The following PRKAA2 variants were observed in gnomAD, a reference collection of about 807,000 sequenced individuals.
The protein encoded by PRKAA2 is protein kinase AMP-activated catalytic subunit alpha 2.
Under a neutral mutation model 56.3 loss-of-function variants are expected in PRKAA2, and 40 were observed. The observed-to-expected ratio is 0.71, with a 90% CI of 0.55 to 0.92. The LOEUF (loss-of-function observed/expected upper bound fraction) is 0.92, where lower values mean the gene tolerates loss of function less well. Ranked by LOEUF, PRKAA2 falls within the 40% of genes least tolerant of loss-of-function variation. The pLI, the probability that PRKAA2 is intolerant of heterozygous loss-of-function variation, is 0.00. For synonymous variants in PRKAA2, 214 were observed against 234.2 expected, an observed-to-expected ratio of 0.91 and a Z score of 0.79; for missense variants, 542 against 686.9, an observed-to-expected ratio of 0.79 and a Z score of 2.36.
chr1:56,645,597 T>A, intron 1 of PRKAA2, 116 bp downstream of exon 1: 1 of 922,930 alleles, frequency 1.1e-6, no homozygotes, highest in Non-Finnish European at 1.4e-6. Context: ...GGTGGAGCGG[T>A]CCCGGGTCGC....
chr1:56,646,495 AAT>A (rs1646643620), intron 1 of PRKAA2, among the ~76,000 whole-genome samples: 1 of 152,208 alleles, frequency 6.6e-6, no homozygotes, highest in Non-Finnish European at 1.5e-5. Context: ...AACTAGTAAG[AAT>A]AGTTAAGTAT....
intron 6 of PRKAA2, among the ~76,000 whole-genome samples, chr1:56,701,480 A>G (rs182326565): frequency 8.0e-4 from 122 of 152,300 alleles, no homozygotes; most frequent in Middle Eastern, 3.4e-3. Context: ...TATATAGCCA[A>G]TAAACACATG....
chr1:56,703,943 CA>C, intron 6 of PRKAA2, 27 bp from the exon 7 acceptor site: 1 of 1,562,936 alleles, frequency 6.4e-7, no homozygotes, highest in Non-Finnish European at 8.7e-7. Context: ...CCATGTCTTA[CA>C]ATAATGTATT....
intron 2 of PRKAA2, among the ~76,000 whole-genome samples, chr1:56,680,934 CTG>C (rs1325701331): frequency 6.6e-6 from 1 of 152,230 alleles, no homozygotes; most frequent in African/African-American, 2.4e-5. Flanking sequence ...AATCACCACA[CTG>C]TGTTCCACAA....
At chr1:56,654,090 C>G (rs1340589953) in intron 1 of PRKAA2, among the ~76,000 whole-genome samples, 2 of 152,030 alleles carry the variant, frequency 1.3e-5, no homozygotes, top group Non-Finnish European at 2.9e-5. Flanking sequence ...TCAGATAATA[C>G]ACTCTGAGCT....
At position 56,671,768 on chromosome 1, in the gene PRKAA2, A is replaced by G. The variant is rs568275764; in HGVS notation, c.95-2613A>G. Among the ~76,000 whole-genome samples the G allele has an allele frequency of 1.4e-4, 21 of 152,312 alleles. 1 individual carries two copies. The South Asian group carries it at 4.4e-3, about 32-fold the overall frequency. On this transcript the variant is annotated intron_variant, in intron 1 of 8. Coordinates refer to ENST00000371244, the MANE Select transcript of PRKAA2 (RefSeq NM_006252.4). ...GACAGCCCAGGTCAGATGTTATGCC[A>G]TCACTTACTGTGTGACCTTGGGTGA...
intron 6 of PRKAA2, among the ~76,000 whole-genome samples, chr1:56,700,778 T>C (rs957511749): frequency 2.0e-5 from 3 of 152,158 alleles, no homozygotes; most frequent in African/African-American, 7.2e-5. Context: ...TCTCTCATGG[T>C]AAGATTTTTG....
At chr1:56,648,708 C>G (rs78524533) in intron 1 of PRKAA2, among the ~76,000 whole-genome samples, 1 of 152,124 alleles carries the variant, frequency 6.6e-6, no homozygotes, top group Non-Finnish European at 1.5e-5. Context: ...AGTATCTTTG[C>G]CAACATTTGT....
At chr1:56,647,402 T>C (rs759222849) in intron 1 of PRKAA2, among the ~76,000 whole-genome samples, 4 of 152,264 alleles carry the variant, frequency 2.6e-5, no homozygotes, top group Non-Finnish European at 5.9e-5. Context: ...TAAGTTCATA[T>C]ACTGTAATCT....
chr1:56,706,433 T>C (rs1480524388), intron 8 of PRKAA2, among the ~76,000 whole-genome samples: 1 of 152,192 alleles, frequency 6.6e-6, no homozygotes, highest in Non-Finnish European at 1.5e-5. Flanking sequence ...CTCCGTGGCG[T>C]AAAAGAATCA....
Position 56,674,408 on chromosome 1 carries a change from A to G in PRKAA2, c.122A>G (p.Lys41Arg). The G allele has an allele frequency of 6.3e-7, 1 of 1,581,656 alleles. No homozygotes were observed. The highest frequency in any genetic ancestry group is 8.6e-7 in the Non-Finnish European group (1 of 1,167,648). ...KIGEHQLTGH[K>R]VAVKILNRQK... The stretch of plus-strand genomic sequence containing the variant: ...GGAGAACATCAATTAACAGGCCATA[A>G]AGTGGCAGTTAAAATCTTAAATAGA... Residue 41 changes from lysine (K) to arginine (R), a missense_variant, in exon 2 of 9, where the codon AAA (lysine) becomes AGA (arginine). By Grantham distance (26) the Lys-to-Arg change is conservative (BLOSUM62 2). Coordinates refer to ENST00000371244, the MANE Select transcript of PRKAA2 (RefSeq NM_006252.4).
At chr1:56,650,883 G>A (rs954181229) in intron 1 of PRKAA2, among the ~76,000 whole-genome samples, 1 of 152,114 alleles carries the variant, frequency 6.6e-6, no homozygotes, top group African/African-American at 2.4e-5. Context: ...TAACAGGAAG[G>A]ATAAACCAAA....
In PRKAA2 at chr1:56,681,056, G is replaced by A. The variant is rs557596329; in HGVS notation, c.236+6534G>A. ...CTTTTTAATGATCGCCATTCTAACT[G>A]GTGTGAGATGGTGTCTCATTGTGGT... On this transcript the variant is annotated intron_variant, in intron 2 of 8. Transcript: ENST00000371244. Among the ~76,000 whole-genome samples the A allele has an allele frequency of 2.8e-3, 426 of 152,332 alleles. 2 individuals carry two copies. Among genetic ancestry groups the A allele is most frequent in the African/African-American group, 9.3e-3 (386 of 41,566 alleles).
intron 1 of PRKAA2, among the ~76,000 whole-genome samples, chr1:56,649,577 TA>T (rs1372329745): frequency 3.3e-5 from 5 of 152,178 alleles, no homozygotes; most frequent in Non-Finnish European, 5.9e-5. Flanking sequence ...TAAATGGTTA[TA>T]AAAACATGGA....
Position 56,678,302 on chromosome 1 carries a change from G to A in PRKAA2, c.236+3780G>A, listed in dbSNP as rs1644128999. 1.3e-5 allele frequency among the ~76,000 whole-genome samples: 2 copies of A among 152,218 alleles called. 1 individual carries two copies. The highest frequency in any genetic ancestry group is 4.1e-4 in the South Asian group (2 of 4,828). ...ATTGACATCGTCTGTAACAGTGTTAGTGATTTAAACAGAGAGAGCAACCTT... is the reference window on the plus strand; with the variant it reads ...ATTGACATCGTCTGTAACAGTGTTAATGATTTAAACAGAGAGAGCAACCTT... On this transcript the variant is annotated intron_variant, in intron 2 of 8. Transcript: ENST00000371244.
intron 2 of PRKAA2, among the ~76,000 whole-genome samples, chr1:56,678,795 A>C (rs568210726): frequency 6.6e-6 from 1 of 151,622 alleles, no homozygotes; most frequent in South Asian, 2.1e-4. Context: ...TCCTGTGTTC[A>C]AGCGATTCTC....
chr1:56,650,411 T>C (rs1424986996), intron 1 of PRKAA2, among the ~76,000 whole-genome samples: 1 of 151,384 alleles, frequency 6.6e-6, no homozygotes, highest in African/African-American at 2.4e-5. Flanking sequence ...ATATTGACTG[T>C]TTAGGCTCTC....
At chr1:56,661,427 A>G (rs977886547) in intron 1 of PRKAA2, among the ~76,000 whole-genome samples, 1 of 152,148 alleles carries the variant, frequency 6.6e-6, no homozygotes. Flanking sequence ...TTTGAACTTT[A>G]TAGAGACAGA....
intron 2 of PRKAA2, among the ~76,000 whole-genome samples, chr1:56,685,166 A>G (rs183822085): frequency 3.9e-5 from 6 of 152,298 alleles, no homozygotes; most frequent in Non-Finnish European, 7.4e-5. Context: ...TACCAAAGAT[A>G]TGAGTACAGA....
Sources: allele counts gnomAD v4.1 joint callset (sites outside exome capture counted in the v4.1 genomes callset), GRCh38; gene constraint gnomAD v4.1.1; transcripts MANE v1.5; gene names NCBI Gene and HGNC (gene_info 2026-07-23, HGNC 2026-07-21).